Variants in CRISPLD1 observed in about 807,000 individuals in gnomAD.
CRISPLD1 encodes cysteine rich secretory protein LCCL domain containing 1.
A neutral mutation model predicts 77.5 loss-of-function variants in CRISPLD1; 60 were observed. The ratio of observed to expected loss-of-function variants is 0.77; its 90% CI spans 0.63 to 0.96. The LOEUF is 0.96. CRISPLD1 is among the 40% of genes least tolerant of loss of function. The pLI is 0.00. For missense variants in CRISPLD1, 623 were observed against 615.8 expected, an observed-to-expected ratio of 1.01 and a Z score of -0.12; for synonymous variants, 195 against 200.1, an observed-to-expected ratio of 0.97 and a Z score of 0.22.
intron 2 of CRISPLD1, among the ~76,000 whole-genome samples, chr8:75,008,994 ATCT>A (rs1010647764): frequency 1.3e-5 from 2 of 152,208 alleles, no homozygotes; most frequent in African/African-American, 4.8e-5. Flanking sequence ...CTAGTTGTAT[ATCT>A]TTTCTAAAAA....
chr8:75,022,313 G>A (rs757419056), intron 12 of CRISPLD1, among the ~76,000 whole-genome samples: 136 of 152,042 alleles, frequency 8.9e-4, no homozygotes, highest in Middle Eastern at 6.8e-3. Flanking sequence ...TTGGCCAGGC[G>A]TGGTGGCTCA....
chr8:75,014,410 TA>T (rs1365618521), intron 5 of CRISPLD1, among the ~76,000 whole-genome samples: 2 of 152,156 alleles, frequency 1.3e-5, no homozygotes, highest in African/African-American at 4.8e-5. Context: ...AGCTATACAT[TA>T]ATTGAGAAAT....
intron 2 of CRISPLD1, among the ~76,000 whole-genome samples, chr8:75,001,295 G>T (rs1812736921): frequency 6.6e-6 from 1 of 152,108 alleles, no homozygotes; most frequent in South Asian, 2.1e-4. Flanking sequence ...CATGACAGGT[G>T]GCTAAATTAT....
chr8:74,993,470 T>G (rs149346080), intron 2 of CRISPLD1, among the ~76,000 whole-genome samples: 3 of 152,338 alleles, frequency 2.0e-5, no homozygotes, highest in African/African-American at 7.2e-5. Context: ...TTTGCTTTAA[T>G]AGTATTACTG....
chr8:75,013,056 A>G, intron 4 of CRISPLD1, 34 bp downstream of exon 4: 2 of 1,454,682 alleles, frequency 1.4e-6, no homozygotes, highest in Non-Finnish European at 1.8e-6. Flanking sequence ...TAATTCCCCC[A>G]AATTGAGTTA....
intron 14 of CRISPLD1, 123 bp downstream of exon 14, chr8:75,029,640 G>T (rs956804973): frequency 5.4e-6 from 5 of 930,774 alleles, no homozygotes; most frequent in Non-Finnish European, 8.0e-6. Flanking sequence ...CAGAGCCAGT[G>T]TGTTCCTTTG....
Position 74,991,967 on chromosome 8 carries a change from A to G in CRISPLD1, c.258+5722A>G, listed in dbSNP as rs75906939. 6.8e-3 allele frequency among the ~76,000 whole-genome samples: 1,038 copies of G among 152,330 alleles called. 13 individuals carry two copies. Among genetic ancestry groups the G allele is most frequent in the African/African-American group, 0.024 (998 of 41,562 alleles). ...TAAAGCCTATTTCTTTTGCAGTGAA[A>G]TATCATATTTGTTTTCCTTTCTAAG... On this transcript the variant is annotated intron_variant, in intron 2 of 14. Coordinates refer to ENST00000262207, the MANE Select transcript of CRISPLD1 (RefSeq NM_031461.6).
chr8:75,001,754 G>A (rs1188749649), intron 2 of CRISPLD1, among the ~76,000 whole-genome samples: 1 of 152,132 alleles, frequency 6.6e-6, no homozygotes, highest in Non-Finnish European at 1.5e-5. Flanking sequence ...GGCTTGGTCA[G>A]ATTTTCCCAA....
intron 2 of CRISPLD1, among the ~76,000 whole-genome samples, chr8:75,002,941 AT>A: frequency 6.6e-6 from 1 of 152,314 alleles, no homozygotes; most frequent in East Asian, 1.9e-4. Context: ...CCTTTTAGTC[AT>A]TGTTTTAATA....
At chr8:74,996,034 TTA>T (rs10588040) in intron 2 of CRISPLD1, among the ~76,000 whole-genome samples, 32,410 of 145,416 alleles carry the variant, frequency 0.22, 5,569 homozygotes, top group African/African-American at 0.49. Context: ...GGTCATTGCT[TTA>T]TATATATATA....
At chr8:75,005,725 G>A (rs1412274415) in intron 2 of CRISPLD1, among the ~76,000 whole-genome samples, 3 of 152,062 alleles carry the variant, frequency 2.0e-5, no homozygotes, top group South Asian at 4.1e-4. Context: ...GATGTTTGGG[G>A]AATTTATTGT....
chr8:75,018,262 CT>C (rs140563649), intron 10 of CRISPLD1, among the ~76,000 whole-genome samples: 15 of 148,280 alleles, frequency 1.0e-4, no homozygotes, highest in Middle Eastern at 3.4e-3. Context: ...CCTATACAGT[CT>C]TTTTTTTTTA....
intron 13 of CRISPLD1, among the ~76,000 whole-genome samples, chr8:75,027,268 G>T (rs942016143): frequency 6.6e-6 from 1 of 152,188 alleles, no homozygotes; most frequent in Non-Finnish European, 1.5e-5. Context: ...ACAGGGCTTA[G>T]AGCACATAGC....
chr8:75,001,017 T>C (rs1257971241), intron 2 of CRISPLD1, among the ~76,000 whole-genome samples: 2 of 152,110 alleles, frequency 1.3e-5, no homozygotes, highest in Non-Finnish European at 2.9e-5. Context: ...TAATTACATA[T>C]CATTGCAAGT....
At chr8:74,991,866 G>C (rs1441286955) in intron 2 of CRISPLD1, among the ~76,000 whole-genome samples, 2 of 152,078 alleles carry the variant, frequency 1.3e-5, no homozygotes, top group Non-Finnish European at 2.9e-5. Flanking sequence ...CTTAAACCTT[G>C]TCTTTCCTAT....
At position 74,984,905 on chromosome 8, in the gene CRISPLD1, A is replaced by AGGGTTTGGCTCACCTCTCCCACCT. The variant is rs1812472950; in HGVS notation, c.-78_-77insGGGTTTGGCTCACCTCTCCCACCT. On this transcript the variant is annotated 5_prime_UTR_variant, in exon 1 of 15. Coordinates refer to ENST00000262207, the MANE Select transcript of CRISPLD1 (RefSeq NM_031461.6). ...CGGTTTGGCTCACCTCTCCCAGGAA[A>AGGGTTTGGCTCACCTCTCCCACCT]CTTCACACTGGAGAGGTAAGGGCGA... 6.6e-6 allele frequency: 1 copy of AGGGTTTGGCTCACCTCTCCCACCT among 152,178 alleles called. No individual in the cohort carries two copies. The highest frequency in any genetic ancestry group is 1.5e-5 in the Non-Finnish European group (1 of 68,094). The allele number at this position is 152,178 out of a possible 1,614,324, so 9.4% of individuals were successfully genotyped here.
chr8:75,016,926 G>A lies in CRISPLD1; in HGVS notation c.914G>A (p.Gly305Glu), dbSNP rs751622834. Residue 305 changes from glycine (G) to glutamate (E), a missense_variant, in exon 8 of 15, where the codon GGA becomes GAA. Physicochemically the swap from Gly to Glu is moderately conservative, Grantham distance 98. Coordinates refer to ENST00000262207, the MANE Select transcript of CRISPLD1 (RefSeq NM_031461.6). ...GTAAGATTAAGAGATCAGTGCAAAG[G>A]AACAACCTGCAATAGGTAATATTTG... is the stretch of plus-strand genomic sequence containing the variant. ...CEVRLRDQCK[G>E]TTCNRYECPA... 16 of 1,565,976 alleles carry A rather than the reference G, an allele frequency of 1.0e-5. No homozygotes were observed. The South Asian group carries it at 1.9e-4, about 19-fold the overall frequency.
Position 74,986,196 on chromosome 8 carries a change from A to G in CRISPLD1, c.209A>G (p.Asn70Ser). ...NDMQSILDLH[N>S]KLRSQVYPTA... is the part of the protein sequence containing the mutation. The stretch of plus-strand genomic sequence containing the variant: ...ATGCAGAGTATTTTGGACCTTCATA[A>G]TAAATTACGAAGTCAGGTGTATCCA... The change falls in exon 2 of 15, where the codon AAT (asparagine) becomes AGT (serine). Residue 70 changes from asparagine to serine, a missense_variant. Physicochemically the swap from Asn to Ser is conservative, Grantham distance 46. Transcript: ENST00000262207. The G allele has an allele frequency of 6.2e-7, 1 of 1,614,196 alleles. No individual in the cohort carries two copies. Among genetic ancestry groups the G allele is most frequent in the Non-Finnish European group, 8.5e-7 (1 of 1,180,012 alleles).
intron 2 of CRISPLD1, among the ~76,000 whole-genome samples, chr8:74,994,973 T>C (rs1812624863): frequency 6.6e-6 from 1 of 152,146 alleles, no homozygotes; most frequent in Admixed American, 6.5e-5. Context: ...AGCTTAGATA[T>C]CCAAATGAAT....
Sources: allele counts gnomAD v4.1 joint callset (sites outside exome capture counted in the v4.1 genomes callset), GRCh38; gene constraint gnomAD v4.1.1; transcripts MANE v1.5; gene names NCBI Gene and HGNC (gene_info 2026-07-23, HGNC 2026-07-21).